The following C8orf89 variants were observed in gnomAD, a reference collection of about 807,000 sequenced individuals.
C8orf89 encodes the protein putative uncharacterized protein C8orf89.
A neutral mutation model predicts 15.8 loss-of-function variants in C8orf89; 14 were observed. That is an observed-to-expected ratio of 0.89 (90% CI 0.59 to 1.39). The LOEUF (loss-of-function observed/expected upper bound fraction) is 1.39, where lower values mean the gene tolerates loss of function less well. Among genes scored for constraint, C8orf89 ranks in the 40% most tolerant of loss-of-function variants. The pLI is 0.00. For missense variants in C8orf89, 181 were observed against 184.5 expected (o/e 0.98, Z 0.11); for synonymous variants, 55 against 62.2 (o/e 0.88, Z 0.54).
chr8:73,270,848 T>C, the C8orf89 span, among the ~76,000 whole-genome samples: 1 of 152,208 alleles, frequency 6.6e-6, no homozygotes, highest in African/African-American at 2.4e-5. Context: ...ACAAAAGTAT[T>C]TCCCACTTCC....
the C8orf89 span, among the ~76,000 whole-genome samples, chr8:73,279,331 G>A: frequency 5.3e-5 from 8 of 152,224 alleles, no homozygotes; most frequent in African/African-American, 1.7e-4. Flanking sequence ...CCTGGCCCTG[G>A]GTGTCAGAGG....
At chr8:73,280,538 A>AT in the C8orf89 span, among the ~76,000 whole-genome samples, 1 of 151,646 alleles carries the variant, frequency 6.6e-6, no homozygotes, top group Non-Finnish European at 1.5e-5. Flanking sequence ...GCCCAGCTAA[A>AT]TTTTTTTGCA....
the C8orf89 span, among the ~76,000 whole-genome samples, chr8:73,274,926 G>A: frequency 6.6e-6 from 1 of 152,092 alleles, no homozygotes; most frequent in Non-Finnish European, 1.5e-5. Flanking sequence ...TCGATTATAT[G>A]AATATGTAAT....
chr8:73,245,367 G>A (rs1274530840), intron 3 of C8orf89, among the ~76,000 whole-genome samples: 1 of 152,180 alleles, frequency 6.6e-6, no homozygotes, highest in Non-Finnish European at 1.5e-5. Flanking sequence ...GTTGTGTAAT[G>A]GAGCAAAAGT....
At chr8:73,260,380 C>T (rs1025685562), upstream of C8orf89, among the ~76,000 whole-genome samples, 2 of 151,694 alleles carry the variant, frequency 1.3e-5, no homozygotes, top group African/African-American at 2.4e-5. Flanking sequence ...CACCCTGGGG[C>T]CTGTCGTGGG....
At chr8:73,267,903 C>G in the C8orf89 span, among the ~76,000 whole-genome samples, 2 of 152,178 alleles carry the variant, frequency 1.3e-5, no homozygotes, top group Non-Finnish European at 2.9e-5. Flanking sequence ...GTACTAACTC[C>G]TGCCGAAGAT....
upstream of C8orf89, among the ~76,000 whole-genome samples, chr8:73,261,312 A>G (rs921858760): frequency 2.6e-5 from 4 of 152,188 alleles, no homozygotes; most frequent in African/African-American, 9.7e-5. Context: ...GGGTTCCAGA[A>G]TGTAGTTTAA....
At chr8:73,276,246 G>A in the C8orf89 span, among the ~76,000 whole-genome samples, 13 of 144,564 alleles carry the variant, frequency 9.0e-5, no homozygotes, top group East Asian at 4.1e-4. Context: ...GTGCAATCTC[G>A]GCTCACTGCA....
intron 2 of C8orf89, among the ~76,000 whole-genome samples, chr8:73,252,953 A>G (rs899981720): frequency 1.3e-5 from 2 of 152,148 alleles, no homozygotes; most frequent in Non-Finnish European, 2.9e-5. Flanking sequence ...CATCCTGGCT[A>G]ACAGGGTGAA....
the C8orf89 span, among the ~76,000 whole-genome samples, chr8:73,265,082 GAAA>G: frequency 1.0e-4 from 15 of 149,002 alleles, no homozygotes; most frequent in South Asian, 3.2e-3. Context: ...ACTTCTTGAG[GAAA>G]AAAAAAAGAA....
At chr8:73,284,320 TCTC>T in the C8orf89 span, among the ~76,000 whole-genome samples, 1 of 148,702 alleles carries the variant, frequency 6.7e-6, no homozygotes, top group Non-Finnish European at 1.5e-5. Flanking sequence ...TTCAAGCAAT[TCTC>T]CTGCCTCAGC....
chr8:73,256,561 C>G (rs1355687303), intron 2 of C8orf89, among the ~76,000 whole-genome samples: 1 of 151,716 alleles, frequency 6.6e-6, no homozygotes, highest in Non-Finnish European at 1.5e-5. Flanking sequence ...AACTCCGTCT[C>G]TACTAAAAAT....
chr8:73,242,114 A>G (rs945161064), intron 3 of C8orf89, among the ~76,000 whole-genome samples: 5 of 152,216 alleles, frequency 3.3e-5, no homozygotes, highest in Non-Finnish European at 5.9e-5. Context: ...CCAGAAGCAC[A>G]GGCAATCAAA....
chr8:73,256,930 A>G, intron 2 of C8orf89, 43 bp downstream of exon 2: 1 of 1,471,582 alleles, frequency 6.8e-7, no homozygotes, highest in Non-Finnish European at 9.0e-7. Flanking sequence ...GTATTACTAC[A>G]AATACACATT....
the C8orf89 span, chr8:73,277,837 C>T: frequency 1.4e-6 from 1 of 709,732 alleles, no homozygotes; most frequent in Admixed American, 1.8e-5. Context: ...TTTTCTTTTC[C>T]CATAGCTGCT....
upstream of C8orf89, among the ~76,000 whole-genome samples, chr8:73,259,738 TA>T (rs34648113): frequency 0.015 from 2,200 of 144,992 alleles, 51 homozygotes; most frequent in African/African-American, 0.049. Context: ...CATTTGTGCC[TA>T]AAAAAAAAAA....
chr8:73,275,449 G>A, the C8orf89 span, among the ~76,000 whole-genome samples: 1 of 151,868 alleles, frequency 6.6e-6, no homozygotes, highest in Admixed American at 6.6e-5. Flanking sequence ...TGTCGGCCAG[G>A]CGGGTCTCAA....
the C8orf89 span, among the ~76,000 whole-genome samples, chr8:73,267,731 C>T: frequency 5.3e-5 from 8 of 152,114 alleles, no homozygotes; most frequent in African/African-American, 1.9e-4. Flanking sequence ...CTAGGTGTTG[C>T]TGGGACAGTA....
chr8:73,273,453 A>T, the C8orf89 span, among the ~76,000 whole-genome samples: 1,698 of 152,338 alleles, frequency 0.011, 12 homozygotes, highest in Middle Eastern at 0.024. Flanking sequence ...AGGCACTAAC[A>T]TGCCAGCCGC....
Sources: gnomAD v4.1 joint callset for allele counts (sites outside exome capture counted in the v4.1 genomes callset) on GRCh38, gnomAD v4.1.1 for gene constraint, MANE v1.5 for transcripts, NCBI Gene and HGNC (gene_info 2026-07-23, HGNC 2026-07-21) for gene names.